RASSF8: variants seen among roughly 807,000 people sequenced by gnomAD.
The protein encoded by RASSF8 is Ras association domain family member 8, also known as ras association domain-containing protein 8.
Under a neutral mutation model 48.5 loss-of-function variants are expected in RASSF8, and 22 were observed. The ratio of observed to expected loss-of-function variants is 0.45; its 90% CI spans 0.32 to 0.65. RASSF8 has a LOEUF of 0.65. Ranked by LOEUF, RASSF8 falls within the 30% of genes least tolerant of loss-of-function variation. The pLI is 0.03. For synonymous variants in RASSF8, 127 were observed against 171.5 expected (o/e 0.74, Z 2.03); for missense variants, 418 against 489.2 (o/e 0.85, Z 1.37).
At chr12:26,025,898 A>T (rs1350880817) in intron 2 of RASSF8, among the ~76,000 whole-genome samples, 4 of 152,116 alleles carry the variant, frequency 2.6e-5, no homozygotes, top group African/African-American at 9.6e-5. Flanking sequence ...CCAAAATAAA[A>T]AAAAAGACAT....
At chr12:26,028,278 C>A (rs909987328) in intron 2 of RASSF8, among the ~76,000 whole-genome samples, 3 of 152,070 alleles carry the variant, frequency 2.0e-5, no homozygotes, top group Non-Finnish European at 4.4e-5. Context: ...TTTTAATGAG[C>A]GTACTTTTCC....
chr12:26,002,075 C>T (rs1046438810), intron 2 of RASSF8, among the ~76,000 whole-genome samples: 4 of 152,140 alleles, frequency 2.6e-5, no homozygotes, highest in Admixed American at 6.5e-5. Context: ...TGTGGTCCAT[C>T]GTTGACTAAA....
chr12:25,997,039 T>A (rs1293849221), intron 2 of RASSF8, among the ~76,000 whole-genome samples: 1 of 152,192 alleles, frequency 6.6e-6, no homozygotes, highest in African/African-American at 2.4e-5. Context: ...TTTTTCCCCA[T>A]AATGATGCAG....
At chr12:26,017,308 A>G (rs1942674363) in intron 2 of RASSF8, among the ~76,000 whole-genome samples, 1 of 152,164 alleles carries the variant, frequency 6.6e-6, no homozygotes, top group South Asian at 2.1e-4. Flanking sequence ...GATAATTTGA[A>G]TAGGGAAAGT....
chr12:25,988,746 A>G (rs6487522), intron 1 of RASSF8, among the ~76,000 whole-genome samples: 56,322 of 151,892 alleles, frequency 0.37, 11,534 homozygotes, highest in Non-Finnish European at 0.46. Context: ...TGAGTTTGCC[A>G]GATCCTGTGC....
intron 2 of RASSF8, among the ~76,000 whole-genome samples, chr12:25,996,530 G>A (rs1942137802): frequency 6.6e-6 from 1 of 152,262 alleles, no homozygotes; most frequent in African/African-American, 2.4e-5. Flanking sequence ...TGGATCACTA[G>A]TAGTTATCCA....
At chr12:26,063,749 T>A (rs1358558685) in intron 3 of RASSF8, among the ~76,000 whole-genome samples, 6 of 150,748 alleles carry the variant, frequency 4.0e-5, no homozygotes, top group Non-Finnish European at 8.9e-5. Context: ...TTTTTTTTTT[T>A]AGAAGAAGAA....
chr12:26,058,176 A>G (rs1381418040), intron 3 of RASSF8, among the ~76,000 whole-genome samples: 2 of 152,210 alleles, frequency 1.3e-5, no homozygotes, highest in Non-Finnish European at 2.9e-5. Flanking sequence ...CTTCAATACA[A>G]ATGTTTTATG....
At chr12:26,060,329 C>A (rs1303101318) in intron 3 of RASSF8, among the ~76,000 whole-genome samples, 1 of 152,068 alleles carries the variant, frequency 6.6e-6, no homozygotes, top group South Asian at 2.1e-4. Flanking sequence ...GCACAACTGG[C>A]TGACAGGTAT....
chr12:26,012,682 C>CTTTTTTTTT (rs775400464), intron 2 of RASSF8, among the ~76,000 whole-genome samples: 8 of 131,802 alleles, frequency 6.1e-5, no homozygotes, highest in African/African-American at 8.5e-5. Context: ...GGCCTTTTTT[C>CTTTTTTTTT]TTTTTTTTTT....
At chr12:25,985,984 A>G (rs1384567957) in intron 1 of RASSF8, among the ~76,000 whole-genome samples, 1 of 152,264 alleles carries the variant, frequency 6.6e-6, no homozygotes, top group African/African-American at 2.4e-5. Flanking sequence ...ATGAATTAAC[A>G]TACATAAAGT....
At chr12:26,005,167 GT>G (rs1942360269) in intron 2 of RASSF8, among the ~76,000 whole-genome samples, 2 of 116,068 alleles carry the variant, frequency 1.7e-5, no homozygotes, top group Non-Finnish European at 4.1e-5. Flanking sequence ...CGGATGGGGT[GT>G]GTGTGTGTGT....
intron 1 of RASSF8, among the ~76,000 whole-genome samples, chr12:25,990,603 T>G (rs186499007): frequency 2.6e-3 from 391 of 152,354 alleles, no homozygotes; most frequent in African/African-American, 8.4e-3. Context: ...ATATGGACTA[T>G]GTAAAACCTA....
At chr12:26,000,982 C>CTTTTTTTTTTTTTTTT (rs34793650) in intron 2 of RASSF8, among the ~76,000 whole-genome samples, 1 of 81,056 alleles carries the variant, frequency 1.2e-5, no homozygotes, top group Non-Finnish European at 2.2e-5. Flanking sequence ...TTAAAATTTC[C>CTTTTTTTTTTTTTTTT]TTTTTTTTTT....
At chr12:26,076,557 T>C (rs189248261), downstream of RASSF8, among the ~76,000 whole-genome samples, 4 of 152,144 alleles carry the variant, frequency 2.6e-5, no homozygotes, top group East Asian at 7.7e-4. Context: ...AGAATGATGG[T>C]TTCCAGCTTC....
chr12:26,034,406 T>TA (rs11344442), intron 2 of RASSF8, among the ~76,000 whole-genome samples: 18,797 of 144,300 alleles, frequency 0.13, 1,462 homozygotes, highest in East Asian at 0.26. Context: ...GCAGATGAAG[T>TA]AAAAAAAAAA....
At chr12:25,988,544 TA>T (rs1941941985) in intron 1 of RASSF8, among the ~76,000 whole-genome samples, 2 of 152,160 alleles carry the variant, frequency 1.3e-5, no homozygotes, top group Non-Finnish European at 2.9e-5. Flanking sequence ...AAATAGAACT[TA>T]AAGTCACAAT....
chr12:26,012,675 C>CTT (rs1565618104), intron 2 of RASSF8, among the ~76,000 whole-genome samples: 3 of 134,734 alleles, frequency 2.2e-5, no homozygotes, highest in East Asian at 2.1e-4. Context: ...CATGTGAGGC[C>CTT]TTTTTTCTTT....
At chr12:26,052,150 AC>A (rs376381191) in intron 2 of RASSF8, among the ~76,000 whole-genome samples, 235 of 152,332 alleles carry the variant, frequency 1.5e-3, no homozygotes, top group African/African-American at 5.6e-3. Flanking sequence ...CCCTGAAAGC[AC>A]CACAAATAGT....
Sources: allele counts gnomAD v4.1 joint callset (sites outside exome capture counted in the v4.1 genomes callset), GRCh38; gene constraint gnomAD v4.1.1; transcripts MANE v1.5; gene names NCBI Gene and HGNC (gene_info 2026-07-23, HGNC 2026-07-21).